The following VEPH1 variants were observed in gnomAD, a reference collection of about 807,000 sequenced individuals.
The protein encoded by VEPH1 is ventricular zone expressed PH domain containing 1, also known as ventricular zone-expressed PH domain-containing protein homolog 1.
Under a neutral mutation model 85.2 loss-of-function variants are expected in VEPH1, and 80 were observed. The ratio of observed to expected loss-of-function variants is 0.94; its 90% CI spans 0.78 to 1.13. The LOEUF (loss-of-function observed/expected upper bound fraction) is 1.13, where lower values mean the gene tolerates loss of function less well. VEPH1 is among the 50% of genes most tolerant of loss of function. The probability of loss-of-function intolerance (pLI) is 0.00; values close to 1 mark genes in which losing one functional copy is unlikely to be tolerated. For synonymous variants in VEPH1, 297 were observed against 348.0 expected (o/e 0.85, Z 1.63); for missense variants, 955 against 980.5 (o/e 0.97, Z 0.35).
intron 1 of VEPH1, among the ~76,000 whole-genome samples, chr3:157,501,499 G>C (rs1225929882): frequency 1.3e-5 from 2 of 152,106 alleles, no homozygotes; most frequent in Non-Finnish European, 2.9e-5. Flanking sequence ...GGCCCTCCAG[G>C]GCTCCAGCTA....
intron 12 of VEPH1, among the ~76,000 whole-genome samples, chr3:157,272,203 C>G (rs1301094220): frequency 7.0e-6 from 1 of 143,544 alleles, no homozygotes; most frequent in Non-Finnish European, 1.6e-5. Context: ...GACAAGGACT[C>G]TCTAGTAAAG....
intron 9 of VEPH1, among the ~76,000 whole-genome samples, chr3:157,328,952 A>G (rs951908304): frequency 1.3e-5 from 2 of 152,212 alleles, no homozygotes; most frequent in Non-Finnish European, 2.9e-5. Flanking sequence ...CTAAGGTCAC[A>G]TGGCTAGCAA....
intron 10 of VEPH1, chr3:157,315,665 C>T (rs1720671177): frequency 6.6e-6 from 1 of 151,882 alleles, no homozygotes; most frequent in Admixed American, 6.6e-5. Context: ...GAAACCATTA[C>T]CGTAAAATGA....
chr3:157,324,864 T>G (rs1163645176), intron 9 of VEPH1, among the ~76,000 whole-genome samples: 8 of 152,174 alleles, frequency 5.3e-5, no homozygotes, highest in Non-Finnish European at 8.8e-5. Flanking sequence ...GTAATGGGTT[T>G]GTTGGGTCAT....
chr3:157,378,357 T>TATAG (rs1728390472), intron 7 of VEPH1, among the ~76,000 whole-genome samples: 2 of 104,296 alleles, frequency 1.9e-5, no homozygotes, highest in African/African-American at 7.3e-5. Flanking sequence ...TATATATATA[T>TATAG]AGTAGTGATT....
intron 9 of VEPH1, among the ~76,000 whole-genome samples, chr3:157,344,126 G>T (rs1478280397): frequency 6.6e-6 from 1 of 152,212 alleles, no homozygotes; most frequent in East Asian, 1.9e-4. Context: ...ACAAGACAGG[G>T]ATGCTCTCTC....
At chr3:157,287,680 T>A (rs1716959088) in intron 11 of VEPH1, among the ~76,000 whole-genome samples, 1 of 152,090 alleles carries the variant, frequency 6.6e-6, no homozygotes, top group East Asian at 1.9e-4. Context: ...TTCTCGTGTG[T>A]CAGCCTCCTG....
At chr3:157,279,211 G>A (rs1715769118) in intron 12 of VEPH1, among the ~76,000 whole-genome samples, 1 of 152,156 alleles carries the variant, frequency 6.6e-6, no homozygotes, top group African/African-American at 2.4e-5. Context: ...GTAAAGAAAG[G>A]TGGGATAAGA....
intron 9 of VEPH1, among the ~76,000 whole-genome samples, chr3:157,338,460 C>T (rs982927198): frequency 1.3e-5 from 2 of 152,192 alleles, no homozygotes; most frequent in Admixed American, 6.5e-5. Context: ...AACTATTCCA[C>T]ATTTTTCAAA....
At chr3:157,296,356 T>C (rs535413744) in intron 11 of VEPH1, among the ~76,000 whole-genome samples, 1 of 152,306 alleles carries the variant, frequency 6.6e-6, no homozygotes, top group African/African-American at 2.4e-5. Flanking sequence ...GAACACAGTT[T>C]AGTGAAGCAA....
intron 10 of VEPH1, among the ~76,000 whole-genome samples, chr3:157,314,682 A>G (rs1321440265): frequency 6.6e-6 from 1 of 152,160 alleles, no homozygotes; most frequent in Non-Finnish European, 1.5e-5. Context: ...TATGAAATTA[A>G]TCAAATATGA....
At chr3:157,438,069 A>ACACC (rs1553786708) in intron 4 of VEPH1, among the ~76,000 whole-genome samples, 197 of 149,642 alleles carry the variant, frequency 1.3e-3, no homozygotes, top group East Asian at 4.4e-3. Flanking sequence ...ACACACACAC[A>ACACC]CACCCCTATT....
At chr3:157,314,478 C>A (rs1323101626) in intron 10 of VEPH1, among the ~76,000 whole-genome samples, 1 of 151,246 alleles carries the variant, frequency 6.6e-6, no homozygotes, top group East Asian at 1.9e-4. Flanking sequence ...CATAAATATG[C>A]CTAACCTTTG....
chr3:157,400,659 T>C (rs1730730242), intron 6 of VEPH1, among the ~76,000 whole-genome samples: 2 of 152,178 alleles, frequency 1.3e-5, no homozygotes, highest in Admixed American at 6.5e-5. Flanking sequence ...AATGTGGCCA[T>C]GTATGTGTTT....
Position 157,438,024 on chromosome 3 carries a change from C to CGA in VEPH1, c.530-9537_530-9536insTC. On this transcript the variant is annotated intron_variant, in intron 4 of 13. Coordinates refer to ENST00000362010, the MANE Select transcript of VEPH1 (RefSeq NM_001167912.2). The stretch of plus-strand genomic sequence containing the variant: ...CTAGGGGAAGCTTTCATGGGAAGCG[C>CGA]GCGCGCGCGCGCGCACACACACACA... The CGA allele has an allele frequency of 6.4e-6, 5 of 778,056 alleles. No individual in the cohort carries two copies. In the South Asian group the frequency reaches 8.8e-5, roughly 14 times the overall value. 48.2% of individuals were successfully genotyped at this position (778,056 alleles called of 1,614,324 possible).
chr3:157,483,473 A>G (rs1211597643), intron 2 of VEPH1, among the ~76,000 whole-genome samples: 2 of 152,222 alleles, frequency 1.3e-5, no homozygotes, highest in Non-Finnish European at 2.9e-5. Flanking sequence ...GTAAGAAATT[A>G]TTGACCTCAA....
At chr3:157,343,312 C>A (rs528656766) in intron 9 of VEPH1, among the ~76,000 whole-genome samples, 1 of 152,042 alleles carries the variant, frequency 6.6e-6, no homozygotes, top group Non-Finnish European at 1.5e-5. Flanking sequence ...AGAGAAGAAT[C>A]AAATAGAAGC....
At chr3:157,287,908 A>G (rs2062607) in intron 11 of VEPH1, among the ~76,000 whole-genome samples, 94,112 of 152,056 alleles carry the variant, frequency 0.62, 29,293 homozygotes, top group Admixed American at 0.68. Context: ...TTATTTACCA[A>G]TAAATTAGTT....
intron 11 of VEPH1, among the ~76,000 whole-genome samples, chr3:157,299,561 A>C (rs1718533608): frequency 4.5e-5 from 1 of 22,430 alleles, no homozygotes; most frequent in Non-Finnish European, 1.1e-4. Context: ...CCCTGTCTCA[A>C]AAAAAAAAAA....
Sources: allele counts gnomAD v4.1 joint callset (sites outside exome capture counted in the v4.1 genomes callset), GRCh38; gene constraint gnomAD v4.1.1; transcripts MANE v1.5; gene names NCBI Gene and HGNC (gene_info 2026-07-23, HGNC 2026-07-21).